ZNF277: variants seen among roughly 807,000 people sequenced by gnomAD.
ZNF277 encodes nuclear receptor-interacting factor 4.
ZNF277 carries 55 observed loss-of-function variants against 60.7 expected under a neutral mutation model. The observed-to-expected ratio is 0.91, with a 90% CI of 0.73 to 1.13. The LOEUF is 1.13. Among genes scored for constraint, ZNF277 ranks in the 50% most tolerant of loss-of-function variants. The probability of loss-of-function intolerance (pLI) is 0.00; values close to 1 mark genes in which losing one functional copy is unlikely to be tolerated. For synonymous variants in ZNF277, 178 were observed against 179.3 expected (o/e 0.99, Z 0.06); for missense variants, 510 against 523.0 (o/e 0.98, Z 0.24).
At chr7:112,265,902 T>A (rs1467826007) in intron 1 of ZNF277, among the ~76,000 whole-genome samples, 3 of 152,164 alleles carry the variant, frequency 2.0e-5, no homozygotes, top group Non-Finnish European at 4.4e-5. Context: ...CTGAGAGCTG[T>A]TCCTTTACAT....
chr7:112,302,729 T>C (rs1328563097), intron 4 of ZNF277, among the ~76,000 whole-genome samples: 1 of 152,088 alleles, frequency 6.6e-6, no homozygotes, highest in Admixed American at 6.6e-5. Flanking sequence ...TTTGTATATA[T>C]ACTGGTTGAG....
chr7:112,340,303 C>T (rs1255891065), intron 10 of ZNF277, among the ~76,000 whole-genome samples: 2 of 152,180 alleles, frequency 1.3e-5, no homozygotes, highest in African/African-American at 2.4e-5. Context: ...TACTGCACTG[C>T]TTAGCAGTAT....
At chr7:112,341,127 A>G (rs1034850035) in intron 11 of ZNF277, 81 bp downstream of exon 11, 92 of 1,302,910 alleles carry the variant, frequency 7.1e-5, no homozygotes, top group Non-Finnish European at 8.2e-5. Flanking sequence ...TTAAGCCTAC[A>G]GAAAAAAAAG....
intron 11 of ZNF277, among the ~76,000 whole-genome samples, chr7:112,341,990 G>GT (rs1332199074): frequency 1.5e-5 from 2 of 137,678 alleles, no homozygotes; most frequent in Admixed American, 1.4e-4. Context: ...TTTATATTCC[G>GT]TAAGTGTTTC....
intron 4 of ZNF277, among the ~76,000 whole-genome samples, chr7:112,312,467 G>A (rs1344018479): frequency 6.6e-6 from 1 of 152,066 alleles, no homozygotes; most frequent in African/African-American, 2.4e-5. Flanking sequence ...TAATGGTTTT[G>A]TGGTTATACA....
intron 1 of ZNF277, among the ~76,000 whole-genome samples, chr7:112,218,689 G>A (rs1821949820): frequency 6.6e-6 from 1 of 152,054 alleles, no homozygotes; most frequent in South Asian, 2.1e-4. Flanking sequence ...GACCATTTTA[G>A]ATTTCACATA....
At chr7:112,327,890 T>G in intron 6 of ZNF277, 63 bp downstream of exon 6, 1 of 1,090,956 alleles carries the variant, frequency 9.2e-7, no homozygotes, top group South Asian at 1.7e-5. Flanking sequence ...GTTGTGAATA[T>G]TTTTAAATTA....
At chr7:112,259,563 C>T (rs142872962) in intron 1 of ZNF277, among the ~76,000 whole-genome samples, 24 of 152,230 alleles carry the variant, frequency 1.6e-4, no homozygotes, top group Middle Eastern at 3.4e-3. Flanking sequence ...TTCAGAGACA[C>T]GTCCAGTGAC....
chr7:112,271,128 G>A (rs2117038351), intron 1 of ZNF277, among the ~76,000 whole-genome samples: 1 of 152,178 alleles, frequency 6.6e-6, no homozygotes, highest in East Asian at 1.9e-4. Flanking sequence ...CAGATTAACT[G>A]CTGGCAGAAT....
intron 1 of ZNF277, among the ~76,000 whole-genome samples, chr7:112,227,349 G>C (rs1011433101): frequency 2.0e-5 from 3 of 152,128 alleles, no homozygotes; most frequent in Admixed American, 6.6e-5. Context: ...AACAATTTGT[G>C]AATTGGGCAC....
At chr7:112,296,935 T>A (rs1168184420) in intron 4 of ZNF277, among the ~76,000 whole-genome samples, 30 of 97,534 alleles carry the variant, frequency 3.1e-4, no homozygotes, top group Admixed American at 2.1e-3. Flanking sequence ...TTTTTTTTTT[T>A]TTTTTTTTTT....
chr7:112,259,313 A>G (rs1263269642), intron 1 of ZNF277, among the ~76,000 whole-genome samples: 1 of 152,190 alleles, frequency 6.6e-6, no homozygotes, highest in Non-Finnish European at 1.5e-5. Context: ...AGATTTTGTT[A>G]CTAGTATATT....
intron 2 of ZNF277, chr7:112,288,977 A>G (rs905990005): frequency 2.6e-5 from 4 of 151,124 alleles, no homozygotes; most frequent in African/African-American, 9.7e-5. Flanking sequence ...AAAAAAAAAA[A>G]AAGAAGAGTA....
At chr7:112,236,949 A>G (rs1306291174) in intron 1 of ZNF277, among the ~76,000 whole-genome samples, 2 of 152,154 alleles carry the variant, frequency 1.3e-5, no homozygotes, top group Non-Finnish European at 2.9e-5. Flanking sequence ...ATCAGAGTAT[A>G]GAACATTCTT....
intron 1 of ZNF277, among the ~76,000 whole-genome samples, chr7:112,247,183 G>A (rs1791104373): frequency 6.6e-6 from 1 of 152,132 alleles, no homozygotes; most frequent in Non-Finnish European, 1.5e-5. Flanking sequence ...AAATCCACTT[G>A]TAATTGCCGC....
intron 1 of ZNF277, among the ~76,000 whole-genome samples, chr7:112,210,465 G>GTTTTTT (rs66533644): frequency 1.5e-5 from 2 of 132,676 alleles, no homozygotes; most frequent in Non-Finnish European, 1.6e-5. Context: ...TTTGTTTTTT[G>GTTTTTT]TTTTTTTTTT....
chr7:112,258,257 GA>G (rs1337328260), intron 1 of ZNF277, among the ~76,000 whole-genome samples: 4 of 151,950 alleles, frequency 2.6e-5, no homozygotes, highest in African/African-American at 9.7e-5. Context: ...CATCTAATAT[GA>G]ATATACAGAA....
intron 1 of ZNF277, among the ~76,000 whole-genome samples, chr7:112,224,312 A>C (rs1276240969): frequency 6.6e-6 from 1 of 152,236 alleles, no homozygotes; most frequent in African/African-American, 2.4e-5. Flanking sequence ...ATTGTAAACA[A>C]ATTTCATAAT....
intron 1 of ZNF277, among the ~76,000 whole-genome samples, chr7:112,215,832 T>C (rs571360180): frequency 1.3e-5 from 2 of 152,358 alleles, no homozygotes; most frequent in Non-Finnish European, 2.9e-5. Flanking sequence ...TTTGTTTTTT[T>C]ACTAGTAAAG....
Sources: allele counts gnomAD v4.1 joint callset (sites outside exome capture counted in the v4.1 genomes callset), GRCh38; gene constraint gnomAD v4.1.1; transcripts MANE v1.5; gene names NCBI Gene and HGNC (gene_info 2026-07-23, HGNC 2026-07-21).